DIO2: variants seen among roughly 807,000 people sequenced by gnomAD.
DIO2 encodes iodothyronine deiodinase 2, also known as type II iodothyronine deiodinase.
In DIO2, 19 loss-of-function variants were observed where a neutral mutation model predicts 21.4. The observed-to-expected ratio is 0.89, with a 90% CI of 0.62 to 1.30. The LOEUF is 1.30. DIO2 is among the 50% of genes most tolerant of loss of function. The pLI, the probability that DIO2 is intolerant of heterozygous loss-of-function variation, is 0.00. For synonymous variants in DIO2, 122 were observed against 132.9 expected (o/e 0.92, Z 0.57); for missense variants, 302 against 338.1 (o/e 0.89, Z 0.84).
chr14:80,218,596 A>G (rs564512416), intron 2 of DIO2, among the ~76,000 whole-genome samples: 1 of 152,196 alleles, frequency 6.6e-6, no homozygotes, highest in Non-Finnish European at 1.5e-5. Context: ...CTGGACCAGA[A>G]AGTAGTAGAA....
chr14:80,208,385 AAAAAG>A (rs759720342), intron 1 of DIO2, among the ~76,000 whole-genome samples: 3 of 152,230 alleles, frequency 2.0e-5, no homozygotes, highest in Non-Finnish European at 4.4e-5. Context: ...TATTTAAAAA[AAAAAG>A]AAAAGAAAAT....
intron 1 of DIO2, among the ~76,000 whole-genome samples, chr14:80,205,428 T>C (rs1283757798): frequency 6.6e-6 from 1 of 152,168 alleles, no homozygotes; most frequent in African/African-American, 2.4e-5. Context: ...GGTAAAAACA[T>C]TCATCTGCAT....
At chr14:80,213,926 T>A (rs929728838), upstream of DIO2, among the ~76,000 whole-genome samples, 1 of 152,144 alleles carries the variant, frequency 6.6e-6, no homozygotes, top group Non-Finnish European at 1.5e-5. Context: ...AGAAAAATAA[T>A]ATAAACCACA....
At position 80,218,238 on chromosome 14, in the gene DIO2, C is replaced by A. The variant is rs200019131; in HGVS notation, c.-277-1501G>T. Among the ~76,000 whole-genome samples the A allele has an allele frequency of 3.9e-3, 575 of 146,816 alleles. 7 individuals carry two copies. The highest frequency in any genetic ancestry group is 0.014 in the African/African-American group (560 of 40,556). On this transcript the variant is annotated intron_variant, in intron 2 of 4. Coordinates refer to the DIO2 transcript ENST00000553594. ...ACACACACACACATAAACAAACAAA[C>A]AAAAAAAAAACAGATCCTGGCAGGC...
chr14:80,227,012 T>G (rs947304825), intron 2 of DIO2, among the ~76,000 whole-genome samples: 1 of 152,244 alleles, frequency 6.6e-6, no homozygotes, highest in Non-Finnish European at 1.5e-5. Flanking sequence ...CAGTATGTAA[T>G]CACACATCTG....
intron 2 of DIO2, among the ~76,000 whole-genome samples, chr14:80,226,884 TG>T (rs1888587361): frequency 6.6e-6 from 1 of 152,230 alleles, no homozygotes; most frequent in Admixed American, 6.5e-5. Flanking sequence ...TCACAGTTTT[TG>T]ACCAGAGAGA....
Position 80,203,158 on chromosome 14 carries a change from G to C in DIO2, c.353C>G (p.Ala118Gly). Residue 118 changes from alanine to glycine, a missense_variant, in exon 2 of 2, where the codon GCC becomes GGC. By Grantham distance (60) the Ala-to-Gly change is moderately conservative. Transcript: ENST00000438257. Reference protein sequence around the residue: ...EGATCHLLDFASPERPLVVNF... With the variant: ...EGATCHLLDFGSPERPLVVNF... Reference sequence around the variant, plus strand: ...GACCACTAGTGGGCGCTCAGGGCTGGCAAAGTCAAGAAGGTGGCATGTGGC... The same window carrying C: ...GACCACTAGTGGGCGCTCAGGGCTGCCAAAGTCAAGAAGGTGGCATGTGGC... 1 of 1,612,062 alleles carries C rather than the reference G, an allele frequency of 6.2e-7. No homozygotes were observed. Among genetic ancestry groups the C allele is most frequent in the Non-Finnish European group, 8.5e-7 (1 of 1,178,998 alleles).
upstream of DIO2, among the ~76,000 whole-genome samples, chr14:80,213,486 C>A (rs1888275801): frequency 6.6e-6 from 1 of 152,100 alleles, no homozygotes; most frequent in Admixed American, 6.5e-5. Context: ...CTGAATTCTG[C>A]ATATTAATGC....
chr14:80,213,875 T>G (rs146272451), upstream of DIO2, among the ~76,000 whole-genome samples: 661 of 152,278 alleles, frequency 4.3e-3, 1 homozygote, highest in African/African-American at 0.015. Flanking sequence ...AGTTTTGAAT[T>G]TGCATCTCAT....
At chr14:80,209,247 C>A (rs1018216106) in intron 1 of DIO2, among the ~76,000 whole-genome samples, 3 of 152,038 alleles carry the variant, frequency 2.0e-5, no homozygotes, top group African/African-American at 7.2e-5. Context: ...AACATTACAG[C>A]CCCCATTGTT....
At chr14:80,204,767 C>G (rs1358028147) in intron 1 of DIO2, among the ~76,000 whole-genome samples, 1 of 151,988 alleles carries the variant, frequency 6.6e-6, no homozygotes, top group Non-Finnish European at 1.5e-5. Context: ...CTGATATAAC[C>G]CACTCAAGGG....
chr14:80,218,920 G>A (rs1888408708), intron 2 of DIO2, among the ~76,000 whole-genome samples: 2 of 152,204 alleles, frequency 1.3e-5, no homozygotes, highest in Admixed American at 1.3e-4. Flanking sequence ...AGAGGTTGCA[G>A]TGAGCCGAGA....
upstream of DIO2, among the ~76,000 whole-genome samples, chr14:80,214,434 G>A (rs929754070): frequency 1.3e-5 from 2 of 152,210 alleles, no homozygotes; most frequent in African/African-American, 4.8e-5. Flanking sequence ...GTGGTTATAA[G>A]TTAGAATTAG....
chr14:80,230,127 C>T (rs1466946711), intron 2 of DIO2, among the ~76,000 whole-genome samples: 2 of 152,058 alleles, frequency 1.3e-5, no homozygotes, highest in East Asian at 1.9e-4. Context: ...CAGCATGGGT[C>T]GAGGCGGGGA....
At chr14:80,213,898 T>C (rs1402462283), upstream of DIO2, among the ~76,000 whole-genome samples, 14 of 152,172 alleles carry the variant, frequency 9.2e-5, no homozygotes. Flanking sequence ...ACGAAATTGT[T>C]AAAAGACTTC....
intron 1 of DIO2, chr14:80,205,872 C>A (rs1031949398): frequency 9.2e-6 from 4 of 432,850 alleles, no homozygotes; most frequent in Middle Eastern, 8.7e-4. Flanking sequence ...AATTCTAGGT[C>A]AGTGAAGAAT....
At chr14:80,217,658 C>T (rs9972105) in intron 2 of DIO2, among the ~76,000 whole-genome samples, 24,066 of 152,040 alleles carry the variant, frequency 0.16, 2,627 homozygotes, top group East Asian at 0.3. Flanking sequence ...AACAGATGTA[C>T]AAACAAATTT....
intron 3 of DIO2, among the ~76,000 whole-genome samples, chr14:80,216,536 T>A (rs1285517575): frequency 1.3e-5 from 2 of 152,136 alleles, no homozygotes. Context: ...TTTATCAGCC[T>A]CTAGAGACAC....
chr14:80,225,825 C>T (rs777039995), intron 2 of DIO2, among the ~76,000 whole-genome samples: 8 of 152,096 alleles, frequency 5.3e-5, no homozygotes, highest in Admixed American at 2.0e-4. Flanking sequence ...AGACTGATTT[C>T]ATCTTGATGA....
Sources: allele counts gnomAD v4.1 joint callset (sites outside exome capture counted in the v4.1 genomes callset), GRCh38; gene constraint gnomAD v4.1.1; transcripts MANE v1.5; gene names NCBI Gene and HGNC (gene_info 2026-07-23, HGNC 2026-07-21).